Variants in SESTD1 observed in about 807,000 individuals in gnomAD.
SESTD1 encodes the protein SEC14 domain and spectrin repeat-containing protein 1.
A neutral mutation model predicts 101.7 loss-of-function variants in SESTD1; 43 were observed. The ratio of observed to expected loss-of-function variants is 0.42; its 90% confidence interval spans 0.33 to 0.55. SESTD1 has a LOEUF of 0.55. Among genes scored for constraint, SESTD1 ranks in the 20% least tolerant of loss-of-function variants. The pLI is 0.07. For missense variants in SESTD1, 647 were observed against 815.1 expected (o/e 0.79, Z 2.51); for synonymous variants, 283 against 286.8 (o/e 0.99, Z 0.13).
chr2:179,257,979 A>G (rs1382338325), intron 1 of SESTD1, among the ~76,000 whole-genome samples: 1 of 152,224 alleles, frequency 6.6e-6, no homozygotes, highest in Admixed American at 6.5e-5. Flanking sequence ...GAGACCTATG[A>G]CACCTTACCA....
intron 5 of SESTD1, among the ~76,000 whole-genome samples, chr2:179,156,687 T>C (rs1005179143): frequency 6.6e-6 from 1 of 152,172 alleles, no homozygotes; most frequent in African/African-American, 2.4e-5. Flanking sequence ...CTTTTTTTCT[T>C]GCTGATTTGA....
intron 1 of SESTD1, among the ~76,000 whole-genome samples, chr2:179,198,670 T>G (rs532283912): frequency 2.6e-5 from 4 of 151,698 alleles, no homozygotes; most frequent in Non-Finnish European, 5.9e-5. Flanking sequence ...ACCGCTCAAC[T>G]ACATGGAAAC....
At chr2:179,262,143 C>CA (rs2047491356) in intron 1 of SESTD1, among the ~76,000 whole-genome samples, 2 of 152,160 alleles carry the variant, frequency 1.3e-5, no homozygotes, top group Non-Finnish European at 2.9e-5. Context: ...TATTCACATG[C>CA]AATGTCCAAA....
chr2:179,197,665 A>G (rs1392460010), intron 1 of SESTD1, among the ~76,000 whole-genome samples: 1 of 152,256 alleles, frequency 6.6e-6, no homozygotes. Context: ...CAACATTCTT[A>G]AAGAAAAGAA....
chr2:179,221,754 CA>C (rs1316768285), intron 1 of SESTD1, among the ~76,000 whole-genome samples: 1 of 151,182 alleles, frequency 6.6e-6, no homozygotes, highest in Non-Finnish European at 1.5e-5. Context: ...CCCATCTCCA[CA>C]AAAAATAAAA....
At chr2:179,125,219 C>T (rs2044844200) in intron 10 of SESTD1, among the ~76,000 whole-genome samples, 1 of 152,188 alleles carries the variant, frequency 6.6e-6, no homozygotes, top group Non-Finnish European at 1.5e-5. Context: ...AACCCATTTT[C>T]TGACCACCTA....
At position 179,243,508 on chromosome 2, in the gene SESTD1, A is replaced by G. The variant is rs2047184389; in HGVS notation, c.-26+20991T>C. ...AATAGCAAAGACATGGAATCAATCT[A>G]GGCACCCATCAATGGTGGACTGGAT... On this transcript the variant is annotated intron_variant, in intron 1 of 17. Transcript: ENST00000428443. 6.6e-5 allele frequency among the ~76,000 whole-genome samples: 10 copies of G among 152,218 alleles called. 1 individual carries two copies. The highest frequency in any genetic ancestry group is 6.5e-4 in the Admixed American group (10 of 15,272).
intron 1 of SESTD1, among the ~76,000 whole-genome samples, chr2:179,205,800 T>A (rs1415629172): frequency 7.8e-6 from 1 of 127,518 alleles, no homozygotes; most frequent in East Asian, 2.0e-4. Context: ...TGAAAACAAT[T>A]GTATTTACTC....
Position 179,135,848 on chromosome 2 carries a change from ACTTTCT to A in SESTD1, c.850-3428_850-3423del, listed in dbSNP as rs2045131412. ...TCAGTGGAACAGCCTAAGTGCTATA[ACTTTCT>A]ATTGGCTAAACACTGTTTACACAGC... On this transcript the variant is annotated intron_variant, in intron 9 of 17. Coordinates refer to ENST00000428443, the MANE Select transcript of SESTD1 (RefSeq NM_178123.5). Among the ~76,000 whole-genome samples the A allele has an allele frequency of 2.0e-5, 3 of 152,194 alleles. No homozygotes were observed. In the South Asian group the frequency reaches 6.2e-4, roughly 31 times the overall value.
At chr2:179,235,771 CTT>C (rs1294629739) in intron 1 of SESTD1, among the ~76,000 whole-genome samples, 3 of 152,150 alleles carry the variant, frequency 2.0e-5, no homozygotes, top group Non-Finnish European at 4.4e-5. Flanking sequence ...TTTTACAAGA[CTT>C]AAGTCTTTTC....
At position 179,121,899 on chromosome 2, in the gene SESTD1, C is replaced by T; in HGVS notation, c.1313G>A (p.Gly438Asp). ...DVGLQGLREK[G>D]QGLLDQISNQ... is the part of the protein sequence containing the mutation. ...GGAGATCTGATCCAGGAGACCTTGA[C>T]CTTTTTCACGCAAACCTTGCAATCC... Residue 438 changes from glycine to aspartate, a missense_variant, in exon 13 of 18, where the codon GGT becomes GAT. By Grantham distance (94) the Gly-to-Asp change is moderately conservative. Coordinates refer to ENST00000428443, the MANE Select transcript of SESTD1 (RefSeq NM_178123.5). The T allele has an allele frequency of 6.2e-7, 1 of 1,607,566 alleles. No individual in the cohort carries two copies. The highest frequency in any genetic ancestry group is 8.5e-7 in the Non-Finnish European group (1 of 1,177,626).
intron 1 of SESTD1, among the ~76,000 whole-genome samples, chr2:179,223,549 TAA>T (rs896562107): frequency 7.1e-6 from 1 of 140,974 alleles, no homozygotes; most frequent in Admixed American, 7.1e-5. Context: ...ATATAAAAAC[TAA>T]AAAAAAAAAA....
chr2:179,260,882 GATAA>G (rs1232799946), intron 1 of SESTD1, among the ~76,000 whole-genome samples: 2 of 152,070 alleles, frequency 1.3e-5, no homozygotes, highest in African/African-American at 4.8e-5. Context: ...TGTATTTATA[GATAA>G]ATACACACAT....
At chr2:179,224,619 G>GAC (rs1459276199) in intron 1 of SESTD1, among the ~76,000 whole-genome samples, 1 of 152,122 alleles carries the variant, frequency 6.6e-6, no homozygotes, top group Non-Finnish European at 1.5e-5. Flanking sequence ...GGAACTTTCA[G>GAC]TCCAACCTCC....
At chr2:179,222,743 C>T (rs896905731) in intron 1 of SESTD1, among the ~76,000 whole-genome samples, 1 of 152,088 alleles carries the variant, frequency 6.6e-6, no homozygotes, top group Non-Finnish European at 1.5e-5. Flanking sequence ...TTTAGTCTAA[C>T]CTTTCCATGT....
intron 1 of SESTD1, among the ~76,000 whole-genome samples, chr2:179,228,286 T>C (rs764035480): frequency 1.8e-4 from 28 of 152,196 alleles, no homozygotes; most frequent in Non-Finnish European, 2.8e-4. Flanking sequence ...TCCTCAACAC[T>C]ACTCCCGGCC....
chr2:179,196,308 A>T (rs1475330598), intron 1 of SESTD1, among the ~76,000 whole-genome samples: 3 of 152,166 alleles, frequency 2.0e-5, no homozygotes, highest in African/African-American at 7.2e-5. Context: ...AGGGTCCTAC[A>T]CCCACGGAGT....
intron 1 of SESTD1, among the ~76,000 whole-genome samples, chr2:179,208,012 T>A (rs911050977): frequency 7.5e-6 from 1 of 132,966 alleles, no homozygotes; most frequent in Non-Finnish European, 1.6e-5. Flanking sequence ...TCCAGAGAAA[T>A]AGATATCATA....
intron 1 of SESTD1, among the ~76,000 whole-genome samples, chr2:179,240,348 A>C (rs1341974867): frequency 1.3e-5 from 2 of 152,196 alleles, no homozygotes; most frequent in Non-Finnish European, 2.9e-5. Context: ...GAGTAGATAC[A>C]ATTTTTCCTA....
Sources: allele counts gnomAD v4.1 joint callset (sites outside exome capture counted in the v4.1 genomes callset), GRCh38; gene constraint gnomAD v4.1.1; transcripts MANE v1.5; gene names NCBI Gene and HGNC (gene_info 2026-07-23, HGNC 2026-07-21).